CYP7B1: variants seen among roughly 807,000 people sequenced by gnomAD.
CYP7B1 encodes cytochrome P450 family 7 subfamily B member 1, also known as cytochrome P450 7B1.
A neutral mutation model predicts 42.7 loss-of-function variants in CYP7B1; 29 were observed. That is an observed-to-expected ratio of 0.68 (90% CI 0.51 to 0.93). The LOEUF (loss-of-function observed/expected upper bound fraction) is 0.93, where lower values mean the gene tolerates loss of function less well. Ranked by LOEUF, CYP7B1 falls within the 40% of genes least tolerant of loss-of-function variation. CYP7B1 has a pLI of 0.00. For missense variants in CYP7B1, 655 were observed against 600.5 expected, an observed-to-expected ratio of 1.09 and a Z score of -0.95; for synonymous variants, 235 against 218.2, an observed-to-expected ratio of 1.08 and a Z score of -0.68.
At chr8:64,779,053 T>C (rs1353842009) in intron 1 of CYP7B1, among the ~76,000 whole-genome samples, 2 of 152,106 alleles carry the variant, frequency 1.3e-5, no homozygotes, top group Non-Finnish European at 2.9e-5. Context: ...TGTAAATGTG[T>C]GTATTCATAT....
In CYP7B1 at chr8:64,594,337, T is replaced by A. The variant is rs1460006853; in HGVS notation, c.*2305A>T. ...TGTGCAGCAGTTAGAAGCAATAGAT[T>A]AAATATAGTAGTATACTATGTATAT... On this transcript the variant is annotated 3_prime_UTR_variant, in exon 6 of 6. Transcript: ENST00000310193. 6.6e-6 allele frequency among the ~76,000 whole-genome samples: 1 copy of A among 152,126 alleles called. No homozygotes were observed. Among genetic ancestry groups the A allele is most frequent in the African/African-American group, 2.4e-5 (1 of 41,410 alleles).
At chr8:64,795,109 T>G (rs1585919298) in intron 1 of CYP7B1, among the ~76,000 whole-genome samples, 1 of 152,274 alleles carries the variant, frequency 6.6e-6, no homozygotes, top group South Asian at 2.1e-4. Flanking sequence ...CTTCTCTCAA[T>G]CAATATGTTA....
At chr8:64,769,334 T>G (rs1267606525) in intron 1 of CYP7B1, among the ~76,000 whole-genome samples, 2 of 152,182 alleles carry the variant, frequency 1.3e-5, no homozygotes, top group Non-Finnish European at 2.9e-5. Flanking sequence ...AATAGTAAGA[T>G]TCAATGAGAG....
At chr8:64,667,791 T>C (rs1185345487) in intron 1 of CYP7B1, among the ~76,000 whole-genome samples, 1 of 152,164 alleles carries the variant, frequency 6.6e-6, no homozygotes, top group African/African-American at 2.4e-5. Context: ...CTAGTCTTCT[T>C]TTTTTCTTTT....
At chr8:64,655,541 G>C (rs1185010225) in intron 1 of CYP7B1, among the ~76,000 whole-genome samples, 2 of 152,156 alleles carry the variant, frequency 1.3e-5, no homozygotes, top group African/African-American at 4.8e-5. Context: ...CTGAAGTTGT[G>C]GAGAAAAGGG....
downstream of CYP7B1, among the ~76,000 whole-genome samples, chr8:64,590,720 G>C (rs1257783261): frequency 6.6e-6 from 1 of 152,064 alleles, no homozygotes; most frequent in Non-Finnish European, 1.5e-5. Flanking sequence ...ATATGTGTAC[G>C]GGGGCAAGAA....
chr8:64,646,183 G>C (rs1339280589), intron 1 of CYP7B1, among the ~76,000 whole-genome samples: 1 of 151,958 alleles, frequency 6.6e-6, no homozygotes, highest in East Asian at 1.9e-4. Flanking sequence ...GGCAACAAAA[G>C]ACAAAATTGA....
intron 1 of CYP7B1, among the ~76,000 whole-genome samples, chr8:64,750,352 C>T (rs1010728293): frequency 1.3e-5 from 2 of 152,272 alleles, no homozygotes; most frequent in East Asian, 3.9e-4. Context: ...CTCTCCAAAA[C>T]CTTACAACCC....
At chr8:64,699,241 C>T (rs915454366) in intron 1 of CYP7B1, among the ~76,000 whole-genome samples, 2 of 151,962 alleles carry the variant, frequency 1.3e-5, no homozygotes, top group Middle Eastern at 3.2e-3. Context: ...TGATGGAGCC[C>T]CAGGAAAAAT....
At chr8:64,713,326 C>T (rs1324152007) in intron 1 of CYP7B1, among the ~76,000 whole-genome samples, 1 of 150,818 alleles carries the variant, frequency 6.6e-6, no homozygotes, top group Non-Finnish European at 1.5e-5. Flanking sequence ...GTCCAGGATG[C>T]AATAAAAAGT....
At chr8:64,598,844 AT>A (rs1187724838) in intron 5 of CYP7B1, among the ~76,000 whole-genome samples, 2 of 152,210 alleles carry the variant, frequency 1.3e-5, no homozygotes, top group Non-Finnish European at 2.9e-5. Context: ...TCGGTTGTTT[AT>A]TTTATGAAAC....
intron 1 of CYP7B1, among the ~76,000 whole-genome samples, chr8:64,650,455 G>C (rs7824744): frequency 0.71 from 107,460 of 151,888 alleles, 38,062 homozygotes; most frequent in Middle Eastern, 0.75. Context: ...CGAGACCAGC[G>C]TGGCCAAAAT....
Position 64,615,026 on chromosome 8 carries a change from C to T in CYP7B1, c.1057G>A (p.Glu353Lys), listed in dbSNP as rs766523749. The T allele has an allele frequency of 6.2e-7, 1 of 1,613,256 alleles. No homozygotes were observed. Among genetic ancestry groups the T allele is most frequent in the Non-Finnish European group, 8.5e-7 (1 of 1,179,572 alleles). The change falls in exon 4 of 6, where the codon GAA becomes AAA. Residue 353 changes from glutamate (E) to lysine (K), a missense_variant and splice_region_variant. Coordinates refer to ENST00000310193, the MANE Select transcript of CYP7B1 (RefSeq NM_004820.5). ...TTCATAACAGATAAAAATAAATTAC[C>T]TAGGCAGATTAGGCTGTCCAATTGT... ...REQLDSLICLESSIFEALRLS... is the reference protein window; with the variant it reads ...REQLDSLICLKSSIFEALRLS...
At chr8:64,772,920 A>G (rs1218383158) in intron 1 of CYP7B1, among the ~76,000 whole-genome samples, 1 of 152,042 alleles carries the variant, frequency 6.6e-6, no homozygotes, top group Non-Finnish European at 1.5e-5. Flanking sequence ...TGCTTTCTCC[A>G]CTGATATCCC....
At chr8:64,697,493 GCA>G (rs1275653761) in intron 1 of CYP7B1, among the ~76,000 whole-genome samples, 1 of 152,152 alleles carries the variant, frequency 6.6e-6, no homozygotes, top group East Asian at 1.9e-4. Flanking sequence ...ATAGTGCCAG[GCA>G]CAGAGTCAGC....
At chr8:64,776,532 C>T (rs114519489) in intron 1 of CYP7B1, among the ~76,000 whole-genome samples, 2,289 of 152,194 alleles carry the variant, frequency 0.015, 68 homozygotes, top group African/African-American at 0.05. Context: ...ATCATATAAA[C>T]ACAGTACTTG....
intron 1 of CYP7B1, among the ~76,000 whole-genome samples, chr8:64,749,850 G>T (rs150477569): frequency 2.0e-5 from 3 of 152,138 alleles, no homozygotes; most frequent in Non-Finnish European, 4.4e-5. Context: ...GAGAAAGGAA[G>T]CTCAATATCT....
chr8:64,613,093 C>A (rs998058885), intron 4 of CYP7B1, among the ~76,000 whole-genome samples: 3 of 152,130 alleles, frequency 2.0e-5, no homozygotes, highest in African/African-American at 4.8e-5. Context: ...CAACACTGGC[C>A]TCTGCTGGTA....
intron 2 of CYP7B1, among the ~76,000 whole-genome samples, 194 bp downstream of exon 2, chr8:64,624,209 A>G (rs1328044289): frequency 4.6e-5 from 7 of 152,154 alleles, no homozygotes; most frequent in Admixed American, 6.5e-5. Flanking sequence ...AGTACCATGA[A>G]GAGAGTTCTA....
Sources: allele counts gnomAD v4.1 joint callset (sites outside exome capture counted in the v4.1 genomes callset), GRCh38; gene constraint gnomAD v4.1.1; transcripts MANE v1.5; gene names NCBI Gene and HGNC (gene_info 2026-07-23, HGNC 2026-07-21).